SLC35E3: variants seen among roughly 807,000 people sequenced by gnomAD.
SLC35E3 encodes the protein solute carrier family 35 member E3, also known as bladder cancer-overexpressed gene 1 protein.
Under a neutral mutation model 30.8 loss-of-function variants are expected in SLC35E3, and 28 were observed. The ratio of observed to expected loss-of-function variants is 0.91; its 90% CI spans 0.67 to 1.25. The LOEUF (loss-of-function observed/expected upper bound fraction) is 1.25. Among genes scored for constraint, SLC35E3 ranks in the 50% most tolerant of loss-of-function variants. The pLI is 0.00. For missense variants in SLC35E3, 365 were observed against 375.4 expected, an observed-to-expected ratio of 0.97 and a Z score of 0.23; for synonymous variants, 146 against 149.2, an observed-to-expected ratio of 0.98 and a Z score of 0.16.
At position 68,773,598 on chromosome 12, in the gene SLC35E3, C is replaced by G. The variant is rs886500249; in HGVS notation, c.*8708C>G. On this transcript the variant is annotated 3_prime_UTR_variant, in exon 5 of 5. Coordinates refer to ENST00000398004, the MANE Select transcript of SLC35E3 (RefSeq NM_018656.5). Reference sequence around the variant, plus strand: ...ATTTTATTTTTTGTAGAGACGGGGTCTTGCTATGTTGCCAGGCTGGTCTCC... The same window carrying G: ...ATTTTATTTTTTGTAGAGACGGGGTGTTGCTATGTTGCCAGGCTGGTCTCC... 1 of 151,856 alleles carries G rather than the reference C, an allele frequency of 6.6e-6. No individual in the cohort carries two copies. Among genetic ancestry groups the G allele is most frequent in the African/African-American group, 2.4e-5 (1 of 41,304 alleles). 9.4% of individuals were successfully genotyped at this position (151,856 alleles called of 1,614,324 possible). A position where few individuals can be genotyped will look rare whatever the true frequency, so the allele number is the denominator to read the frequency against.
Position 68,764,868 on chromosome 12 carries a change from G to A in SLC35E3, c.920G>A (p.Ser307Asn), listed in dbSNP as rs376177634. 6 of 1,613,856 alleles carry A rather than the reference G, an allele frequency of 3.7e-6. No individual in the cohort carries two copies. The highest frequency in any genetic ancestry group is 5.1e-6 in the Non-Finnish European group (6 of 1,179,920). Residue 307 changes from serine (S) to asparagine (N), a missense_variant, in exon 5 of 5, where the codon AGT (serine) becomes AAT (asparagine). Ser to Asn is a conservative substitution (Grantham distance 46). Transcript: ENST00000398004. Reference sequence around the variant, plus strand: ...CTCAGTGAACAGGAAGGAAGTAGGAGTAAACTGGCACAACGTCCTTAATTG... The same window carrying A: ...CTCAGTGAACAGGAAGGAAGTAGGAATAAACTGGCACAACGTCCTTAATTG... ...FKLSEQEGSR[S>N]KLAQRP
Position 68,779,067 on chromosome 12 carries a change from C to T in SLC35E3, c.*14177C>T, listed in dbSNP as rs1333062259. ...TTGCAATGAGCCACTGCACTCCAGA[C>T]TGCATTCCAGCCTGGGCGACAGAAC... On this transcript the variant is annotated 3_prime_UTR_variant, in exon 5 of 5. Transcript: ENST00000398004. The T allele has an allele frequency of 6.6e-6, 1 of 152,384 alleles. No homozygotes were observed. The highest frequency in any genetic ancestry group is 1.5e-5 in the Non-Finnish European group (1 of 68,218). 9.4% of individuals were successfully genotyped at this position (152,384 alleles called of 1,614,324 possible). A position where few individuals can be genotyped will look rare whatever the true frequency, so the allele number is the denominator to read the frequency against.
At chr12:68,754,567 T>C (rs1038159699) in intron 3 of SLC35E3, among the ~76,000 whole-genome samples, 6 of 152,212 alleles carry the variant, frequency 3.9e-5, no homozygotes, top group Non-Finnish European at 7.3e-5. Context: ...ATTACAGGCG[T>C]GAGCCGCCGC....
intron 3 of SLC35E3, among the ~76,000 whole-genome samples, chr12:68,754,531 C>G (rs1429710195): frequency 6.6e-6 from 1 of 152,114 alleles, no homozygotes; most frequent in African/African-American, 2.4e-5. Context: ...AGTGATCCAC[C>G]CACCTCGGCC....
At chr12:68,760,408 ATT>A (rs1166486304) in intron 4 of SLC35E3, among the ~76,000 whole-genome samples, 3 of 152,206 alleles carry the variant, frequency 2.0e-5, no homozygotes, top group African/African-American at 7.2e-5. Context: ...ACAAATATTT[ATT>A]TTGTGTCAGA....
At chr12:68,749,353 G>T (rs1878708880) in intron 2 of SLC35E3, among the ~76,000 whole-genome samples, 1 of 152,168 alleles carries the variant, frequency 6.6e-6, no homozygotes, top group Non-Finnish European at 1.5e-5. Context: ...TCTGCCCACA[G>T]TATCTTGGGA....
intron 2 of SLC35E3, 122 bp downstream of exon 2, chr12:68,748,162 C>T: frequency 1.6e-6 from 1 of 606,584 alleles, no homozygotes; most frequent in Non-Finnish European, 2.9e-6. Flanking sequence ...AGCATAATTG[C>T]ATAAGTTGTC....
At chr12:68,747,810 C>G in intron 1 of SLC35E3, 120 bp from the exon 2 acceptor site, 1 of 552,830 alleles carries the variant, frequency 1.8e-6, no homozygotes, top group South Asian at 2.7e-5. Context: ...AACATTTATA[C>G]AGGTTCATTG....
At chr12:68,758,091 CAA>C (rs200316416) in intron 3 of SLC35E3, among the ~76,000 whole-genome samples, 5 of 121,294 alleles carry the variant, frequency 4.1e-5, no homozygotes, top group Admixed American at 1.8e-4. Flanking sequence ...GACTCCATCT[CAA>C]AAAAAAAAAA....
chr12:68,756,323 CAAAG>C (rs958535118), intron 3 of SLC35E3, among the ~76,000 whole-genome samples: 28 of 123,062 alleles, frequency 2.3e-4, no homozygotes, highest in Non-Finnish European at 1.7e-4. Flanking sequence ...AAAAAAAAGG[CAAAG>C]AAACCAAGAC....
At chr12:68,760,692 ACT>A (rs2136076806) in intron 4 of SLC35E3, among the ~76,000 whole-genome samples, 1 of 152,290 alleles carries the variant, frequency 6.6e-6, no homozygotes, top group African/African-American at 2.4e-5. Context: ...TTGAATACCC[ACT>A]AAACCAGTCA....
At position 68,769,739 on chromosome 12, in the gene SLC35E3, G is replaced by T. The variant is rs1879552622; in HGVS notation, c.*4849G>T. 1 of 152,144 alleles carries T rather than the reference G, an allele frequency of 6.6e-6. No individual in the cohort carries two copies. Among genetic ancestry groups the T allele is most frequent in the Non-Finnish European group, 1.5e-5 (1 of 68,028 alleles). The allele number at this position is 152,144 out of a possible 1,614,324, so 9.4% of individuals were successfully genotyped here. On this transcript the variant is annotated 3_prime_UTR_variant, in exon 5 of 5. Coordinates refer to ENST00000398004, the MANE Select transcript of SLC35E3 (RefSeq NM_018656.5). ...TCTTTCTGTTCCCAAACTTAAACTG[G>T]ATTATACCTGCTAATATCAGGAATA... is the stretch of plus-strand genomic sequence containing the variant.
chr12:68,763,785 C>T (rs1319367609), intron 4 of SLC35E3, among the ~76,000 whole-genome samples: 1 of 152,210 alleles, frequency 6.6e-6, no homozygotes, highest in Non-Finnish European at 1.5e-5. Context: ...TGGCATGTTA[C>T]TGGCAGTATT....
At position 68,768,659 on chromosome 12, in the gene SLC35E3, T is replaced by G. The variant is rs559153089; in HGVS notation, c.*3769T>G. ...AATTTCAATTTTTACCTTTTAAAAA[T>G]AAAGAGAACCTCTTTTTACTTCTGT... is the stretch of plus-strand genomic sequence containing the variant. On this transcript the variant is annotated 3_prime_UTR_variant, in exon 5 of 5. Transcript: ENST00000398004. 2 of 152,324 alleles carry G rather than the reference T, an allele frequency of 1.3e-5. No individual in the cohort carries two copies. The highest frequency in any genetic ancestry group is 3.9e-4 in the East Asian group (2 of 5,188). The allele number at this position is 152,324 out of a possible 1,614,324, so 9.4% of individuals were successfully genotyped here.
chr12:68,761,010 C>T (rs1020375278), intron 4 of SLC35E3, among the ~76,000 whole-genome samples: 5 of 152,052 alleles, frequency 3.3e-5, no homozygotes, highest in Non-Finnish European at 5.9e-5. Flanking sequence ...AATGCAGTTG[C>T]TCCATGCAGA....
At position 68,772,782 on chromosome 12, in the gene SLC35E3, G is replaced by A. The variant is rs1352538761; in HGVS notation, c.*7892G>A. The A allele has an allele frequency of 6.6e-6, 1 of 151,992 alleles. No homozygotes were observed. The highest frequency in any genetic ancestry group is 1.9e-4 in the East Asian group (1 of 5,188). 9.4% of individuals were successfully genotyped at this position (151,992 alleles called of 1,614,324 possible). On this transcript the variant is annotated 3_prime_UTR_variant, in exon 5 of 5. Transcript: ENST00000398004. ...AAATCCAACGATCTGTATCAACCACGTCTTCATTTTCCTTTTCCTGTTTGT... is the reference window on the plus strand; with the variant it reads ...AAATCCAACGATCTGTATCAACCACATCTTCATTTTCCTTTTCCTGTTTGT...
chr12:68,762,570 A>G (rs1208976982), intron 4 of SLC35E3, among the ~76,000 whole-genome samples: 1 of 152,216 alleles, frequency 6.6e-6, no homozygotes, highest in East Asian at 1.9e-4. Flanking sequence ...AGTAAAGTGC[A>G]GAACTGGAAA....
chr12:68,753,449 T>C (rs1317397819), intron 3 of SLC35E3, among the ~76,000 whole-genome samples: 2 of 150,958 alleles, frequency 1.3e-5, no homozygotes, highest in African/African-American at 4.9e-5. Flanking sequence ...TGAGACCCTG[T>C]CTCAAAAAAA....
In SLC35E3 at chr12:68,777,555, ATTAT is replaced by A. The variant is rs1174839538; in HGVS notation, c.*12670_*12673del. 6.6e-6 allele frequency: 1 copy of A among 152,202 alleles called. No homozygotes were observed. Among genetic ancestry groups the A allele is most frequent in the African/African-American group, 2.4e-5 (1 of 41,454 alleles). The allele number at this position is 152,202 out of a possible 1,614,324, so 9.4% of individuals were successfully genotyped here. On this transcript the variant is annotated 3_prime_UTR_variant, in exon 5 of 5. Transcript: ENST00000398004. ...TGTTACCATGGAGTTCTTGAATTTC[ATTAT>A]TTATCTCCCAACACAACTTTGGCCT...
Sources: allele counts gnomAD v4.1 joint callset (sites outside exome capture counted in the v4.1 genomes callset), GRCh38; gene constraint gnomAD v4.1.1; transcripts MANE v1.5; gene names NCBI Gene and HGNC (gene_info 2026-07-23, HGNC 2026-07-21).